Variants in NXPH1 observed in about 807,000 individuals in gnomAD.
The protein encoded by NXPH1 is neurexophilin 1.
In NXPH1, 5 loss-of-function variants were observed where a neutral mutation model predicts 23.7. The ratio of observed to expected loss-of-function variants is 0.21; its 90% CI spans 0.11 to 0.44. NXPH1 has a LOEUF of 0.44. Among genes scored for constraint, NXPH1 ranks in the 20% least tolerant of loss-of-function variants. NXPH1 has a pLI of 0.99. For synonymous variants in NXPH1, 144 were observed against 122.2 expected, an observed-to-expected ratio of 1.18 and a Z score of -1.18; for missense variants, 324 against 321.6, an observed-to-expected ratio of 1.01 and a Z score of -0.06.
rs540869005 is a variant in NXPH1 at position 8,738,947 on chromosome 7, A to G, written c.55-12061A>G. Among the ~76,000 whole-genome samples, 102 of 152,102 alleles carry G rather than the reference A, an allele frequency of 6.7e-4. No homozygotes were observed. The Middle Eastern group carries it at 0.017, about 25-fold the overall frequency. Reference sequence around the variant, plus strand: ...CTGTGAGGGGAAAATCGCCTACTCAAGCCTCAATAATTGTGGATGTTCCTC... The same window carrying G: ...CTGTGAGGGGAAAATCGCCTACTCAGGCCTCAATAATTGTGGATGTTCCTC... On this transcript the variant is annotated intron_variant, in intron 2 of 2. Coordinates refer to ENST00000405863, the MANE Select transcript of NXPH1 (RefSeq NM_152745.3).
intron 2 of NXPH1, among the ~76,000 whole-genome samples, chr7:8,691,339 G>A (rs1821218261): frequency 6.6e-6 from 1 of 151,912 alleles, no homozygotes; most frequent in African/African-American, 2.4e-5. Flanking sequence ...TGTAGAGACA[G>A]GGTTTCTTCA....
Position 8,751,686 on chromosome 7 carries a change from T to C in NXPH1, c.733T>C (p.Tyr245His). 6.2e-7 allele frequency: 1 copy of C among 1,613,042 alleles called. No individual in the cohort carries two copies. Among genetic ancestry groups the C allele is most frequent in the Non-Finnish European group, 8.5e-7 (1 of 1,179,454 alleles). Residue 245 changes from tyrosine to histidine, a missense_variant, in exon 3 of 3, where the codon TAT (tyrosine) becomes CAT (histidine). Transcript: ENST00000405863. The surrounding 1 kb of genome is among the most constrained non-coding windows in gnomAD (Gnocchi z 4.5). ...GGTGATCTGTATTTACATTTCCTTT[T>C]ATAGTACAGATTATAAACTGGTACA... Reference protein sequence around the residue: ...FKVICIYISFYSTDYKLVQKV... With the variant: ...FKVICIYISFHSTDYKLVQKV...
intron 2 of NXPH1, among the ~76,000 whole-genome samples, chr7:8,455,710 G>C (rs1816583069): frequency 6.6e-6 from 1 of 152,190 alleles, no homozygotes; most frequent in Non-Finnish European, 1.5e-5. Context: ...GAAATTGCCT[G>C]CTGCTTATCA....
At chr7:8,734,617 T>A (rs1035880834) in intron 2 of NXPH1, among the ~76,000 whole-genome samples, 2 of 152,218 alleles carry the variant, frequency 1.3e-5, no homozygotes, top group African/African-American at 4.8e-5. Context: ...TTCAAGTATG[T>A]GGTCAATTTT....
intron 2 of NXPH1, among the ~76,000 whole-genome samples, chr7:8,601,105 G>T (rs897265953): frequency 6.6e-6 from 1 of 152,022 alleles, no homozygotes; most frequent in Non-Finnish European, 1.5e-5. Context: ...CCAAATTTTG[G>T]TATCCACAGG....
chr7:8,473,049 A>G (rs1338861455), intron 2 of NXPH1, among the ~76,000 whole-genome samples: 1 of 152,028 alleles, frequency 6.6e-6, no homozygotes, highest in Non-Finnish European at 1.5e-5. Context: ...TTCTAAAAAC[A>G]GACCAAGATC....
intron 2 of NXPH1, among the ~76,000 whole-genome samples, chr7:8,444,084 AG>A (rs1816355355): frequency 6.6e-6 from 1 of 152,170 alleles, no homozygotes; most frequent in Non-Finnish European, 1.5e-5. Flanking sequence ...CGTTGGCGCT[AG>A]GGGTTGTCTA....
chr7:8,741,384 C>G (rs916741359), intron 2 of NXPH1, among the ~76,000 whole-genome samples: 1 of 151,660 alleles, frequency 6.6e-6, no homozygotes, highest in Non-Finnish European at 1.5e-5. Context: ...TTTTTGAGAC[C>G]CTGATTTCAT....
intron 2 of NXPH1, among the ~76,000 whole-genome samples, chr7:8,513,745 T>A (rs1817646540): frequency 6.6e-6 from 1 of 152,122 alleles, no homozygotes; most frequent in African/African-American, 2.4e-5. Flanking sequence ...ACTAAGGCTT[T>A]CAAGAGAACC....
intron 2 of NXPH1, among the ~76,000 whole-genome samples, chr7:8,635,200 G>A (rs1820199491): frequency 6.6e-6 from 1 of 152,192 alleles, no homozygotes; most frequent in African/African-American, 2.4e-5. Context: ...TAAGCTTGGA[G>A]CCCAAGTACT....
At chr7:8,529,272 C>A (rs1461899693) in intron 2 of NXPH1, among the ~76,000 whole-genome samples, 2 of 152,234 alleles carry the variant, frequency 1.3e-5, no homozygotes, top group African/African-American at 2.4e-5. Flanking sequence ...TAATTATATA[C>A]ACAAAGTCCC....
intron 2 of NXPH1, among the ~76,000 whole-genome samples, chr7:8,574,202 T>C (rs548036190): frequency 6.6e-6 from 1 of 152,202 alleles, no homozygotes; most frequent in African/African-American, 2.4e-5. Context: ...ACATGAAATA[T>C]TCATCTGAAA....
At chr7:8,589,556 G>C (rs1819048921) in intron 2 of NXPH1, among the ~76,000 whole-genome samples, 1 of 152,054 alleles carries the variant, frequency 6.6e-6, no homozygotes, top group Non-Finnish European at 1.5e-5. Flanking sequence ...GTGAGGGTGA[G>C]GAGATCAGCT....
chr7:8,524,845 C>T (rs537823021), intron 2 of NXPH1, among the ~76,000 whole-genome samples: 1 of 152,292 alleles, frequency 6.6e-6, no homozygotes, highest in Admixed American at 6.5e-5. Flanking sequence ...TCCACAGCCA[C>T]ATGGAACTGT....
At chr7:8,659,760 C>G (rs185695490) in intron 2 of NXPH1, among the ~76,000 whole-genome samples, 9 of 152,240 alleles carry the variant, frequency 5.9e-5, no homozygotes, top group South Asian at 2.1e-4. Context: ...AAGAAATTTT[C>G]TTTAAAAAGA....
At chr7:8,674,692 A>T (rs1379016563) in intron 2 of NXPH1, among the ~76,000 whole-genome samples, 1 of 152,180 alleles carries the variant, frequency 6.6e-6, no homozygotes, top group Non-Finnish European at 1.5e-5. Context: ...ATAGTCACAG[A>T]GGGGTTCAAT....
At chr7:8,681,983 G>A (rs1821057451) in intron 2 of NXPH1, among the ~76,000 whole-genome samples, 1 of 152,178 alleles carries the variant, frequency 6.6e-6, no homozygotes, top group African/African-American at 2.4e-5. Context: ...ATTATCAGGA[G>A]CAAAAGCAAG....
intron 2 of NXPH1, among the ~76,000 whole-genome samples, chr7:8,656,036 T>G (rs1385300924): frequency 6.6e-6 from 1 of 152,222 alleles, no homozygotes; most frequent in Non-Finnish European, 1.5e-5. Flanking sequence ...CTCTAGTGCA[T>G]AGCAGTTTGG....
At chr7:8,557,453 C>CA (rs1192357258) in intron 2 of NXPH1, among the ~76,000 whole-genome samples, 1 of 151,584 alleles carries the variant, frequency 6.6e-6, no homozygotes, top group African/African-American at 2.4e-5. Context: ...CAGACTTGGT[C>CA]AAAACCCTAG....
Sources: gnomAD v4.1 joint callset for allele counts (sites outside exome capture counted in the v4.1 genomes callset) on GRCh38, gnomAD v4.1.1 for gene constraint, Gnocchi (gnomAD v3.1) non-coding constraint, MANE v1.5 for transcripts, NCBI Gene and HGNC (gene_info 2026-07-23, HGNC 2026-07-21) for gene names.